The following LRP2 variants were observed in gnomAD, a reference collection of about 807,000 sequenced individuals.
The protein encoded by LRP2 is LDL receptor related protein 2.
LRP2 carries 172 observed loss-of-function variants against 531.0 expected under a neutral mutation model. That is an observed-to-expected ratio of 0.32 (90% CI 0.29 to 0.37). The LOEUF (loss-of-function observed/expected upper bound fraction) is 0.37, where lower values mean the gene tolerates loss of function less well. LRP2 is among the 10% of genes least tolerant of loss of function. The pLI is 1.00. For synonymous variants in LRP2, 1,992 were observed against 2,027.6 expected (o/e 0.98, Z 0.47); for missense variants, 5,167 against 5,868.3 (o/e 0.88, Z 3.90).
Position 169,206,157 on chromosome 2 carries a change from G to A in LRP2, c.7422C>T (p.Asp2474=), listed in dbSNP as rs1688377163. 6.2e-7 allele frequency: 1 copy of A among 1,614,168 alleles called. No homozygotes were observed. The highest frequency in any genetic ancestry group is 1.1e-5 in the South Asian group (1 of 91,082). ...TGTAATAAATTCTTCTAGTAATCCA[G>A]TCAAAGGCAATGCCATCAGCAGTCC... is the stretch of plus-strand genomic sequence containing the variant. ...GIGTADGIAF[D]WITRRIYYSD... The change falls in exon 40 of 79, where the codon GAC becomes GAT. Residue 2474 remains aspartate (D), a synonymous_variant. Transcript: ENST00000649046.
At chr2:169,270,201 T>C (rs934112670) in intron 16 of LRP2, among the ~76,000 whole-genome samples, 4 of 152,174 alleles carry the variant, frequency 2.6e-5, no homozygotes, top group African/African-American at 7.2e-5. Flanking sequence ...AGTGTGGAGA[T>C]TCCTCAGGGA....
chr2:169,158,737 C>T (rs1574081262), intron 63 of LRP2, among the ~76,000 whole-genome samples: 1 of 150,580 alleles, frequency 6.6e-6, no homozygotes. Context: ...CTTACATATA[C>T]ATATGCAAAA....
chr2:169,342,040 T>C (rs945548974), intron 1 of LRP2, among the ~76,000 whole-genome samples: 1 of 152,084 alleles, frequency 6.6e-6, no homozygotes, highest in African/African-American at 2.4e-5. Context: ...CTGGCAGGGA[T>C]ACTCAGGCAT....
chr2:169,231,504 C>T (rs1352710447), intron 31 of LRP2, among the ~76,000 whole-genome samples: 3 of 152,092 alleles, frequency 2.0e-5, no homozygotes, highest in Non-Finnish European at 4.4e-5. Context: ...CAATTACATG[C>T]ACAGATAACA....
At chr2:169,241,995 G>A (rs1305584660) in intron 24 of LRP2, among the ~76,000 whole-genome samples, 3 of 152,134 alleles carry the variant, frequency 2.0e-5, no homozygotes, top group African/African-American at 4.8e-5. Flanking sequence ...GCAAGCCAGC[G>A]GCAATTGACA....
intron 1 of LRP2, among the ~76,000 whole-genome samples, chr2:169,360,142 AAAAAAAG>A (rs55666324): frequency 0.4 from 52,395 of 130,912 alleles, 10,940 homozygotes; most frequent in South Asian, 0.53. Flanking sequence ...AAAAAAAAAA[AAAAAAAG>A]AGAGAGAGAG....
chr2:169,269,240 T>A (rs1232434501), intron 16 of LRP2, among the ~76,000 whole-genome samples: 2 of 152,074 alleles, frequency 1.3e-5, no homozygotes, highest in East Asian at 1.9e-4. Flanking sequence ...CTTCACAGAA[T>A]TGGAAAAAAC....
At chr2:169,210,458 G>T (rs183210807) in intron 37 of LRP2, among the ~76,000 whole-genome samples, 1 of 152,184 alleles carries the variant, frequency 6.6e-6, no homozygotes, top group South Asian at 2.1e-4. Context: ...AACCTATAAA[G>T]TATTATTGCT....
Position 169,292,152 on chromosome 2 carries a change from TG to T in LRP2, c.769+100del, listed in dbSNP as rs1684014232. 2.3e-5 allele frequency: 22 copies of T among 939,242 alleles called. No individual in the cohort carries two copies. The South Asian group carries it at 2.9e-4, about 12-fold the overall frequency. The allele number at this position is 939,242 out of a possible 1,614,324, so 58.2% of individuals were successfully genotyped here. A position where few individuals can be genotyped will look rare whatever the true frequency, so the allele number is the denominator to read the frequency against. On this transcript the variant is annotated intron_variant, in intron 7 of 78. Coordinates refer to ENST00000649046, the MANE Select transcript of LRP2 (RefSeq NM_004525.3). ...TTCAACTCCAGCCAATCCTGAGGCT[TG>T]CTTGTCACACAAAATTTCTAAAAAG... is the stretch of plus-strand genomic sequence containing the variant.
chr2:169,228,064 A>C (rs889378654), intron 31 of LRP2, among the ~76,000 whole-genome samples: 1 of 152,318 alleles, frequency 6.6e-6, no homozygotes, highest in East Asian at 1.9e-4. Flanking sequence ...GCCATACTGC[A>C]TGCATCAGGT....
chr2:169,200,251 A>T (rs576679857), intron 44 of LRP2, among the ~76,000 whole-genome samples: 1 of 152,090 alleles, frequency 6.6e-6, no homozygotes, highest in Non-Finnish European at 1.5e-5. Context: ...ACTCCATCTC[A>T]AAAAAATAAA....
At position 169,321,494 on chromosome 2, in the gene LRP2, T is replaced by C. The variant is rs1684908040; in HGVS notation, c.80-610A>G. On this transcript the variant is annotated intron_variant, in intron 1 of 78. Coordinates refer to ENST00000649046, the MANE Select transcript of LRP2 (RefSeq NM_004525.3). Reference sequence around the variant, plus strand: ...AAAAAAAGCGTAAAAAAGACCAGAATGTTAACAGTGGTTATCTCTGATTGA... The same window carrying C: ...AAAAAAAGCGTAAAAAAGACCAGAACGTTAACAGTGGTTATCTCTGATTGA... Among the ~76,000 whole-genome samples, 3 of 151,022 alleles carry C rather than the reference T, an allele frequency of 2.0e-5. No individual in the cohort carries two copies. In the South Asian group the frequency reaches 6.2e-4, roughly 31 times the overall value.
intron 1 of LRP2, among the ~76,000 whole-genome samples, chr2:169,343,141 A>G (rs1191112661): frequency 6.6e-6 from 1 of 152,142 alleles, no homozygotes; most frequent in Non-Finnish European, 1.5e-5. Flanking sequence ...TCTGCATAAA[A>G]CCAAGTTACA....
In LRP2 at chr2:169,280,364, T is replaced by C. The variant is rs781098111; in HGVS notation, c.1327A>G (p.Thr443Ala). The C allele has an allele frequency of 6.2e-7, 1 of 1,614,158 alleles. No individual in the cohort carries two copies. The highest frequency in any genetic ancestry group is 1.6e-4 in the Middle Eastern group (1 of 6,062). The change falls in exon 11 of 79, where the codon ACC becomes GCC. Residue 443 changes from threonine to alanine, a missense_variant. Physicochemically the swap from Thr to Ala is moderately conservative, Grantham distance 58 (BLOSUM62 0). This residue lies in a region of LRP2 where 2,811 missense variants were observed against 3,058.0 expected (regional missense o/e 0.92). Transcript: ENST00000649046. ...TTTCTATTTACCTTATTTTGCACGG[T>C]GTCTGTCCAAAAAACTCTTTGCAGG... ...YHLQRVFWTDTVQNKVFSVDI... is the reference protein window; with the variant it reads ...YHLQRVFWTDAVQNKVFSVDI...
At chr2:169,241,452 T>C in intron 24 of LRP2, 87 bp from the exon 25 acceptor site, 2 of 1,458,328 alleles carry the variant, frequency 1.4e-6, no homozygotes, top group South Asian at 1.1e-5. Flanking sequence ...TGATTTTGGA[T>C]CCAATAGTAG....
At chr2:169,136,288 C>T (rs970955312) in intron 76 of LRP2, among the ~76,000 whole-genome samples, 5 of 152,086 alleles carry the variant, frequency 3.3e-5, no homozygotes, top group African/African-American at 1.2e-4. Flanking sequence ...CTGAGAAACA[C>T]TGCGCATTAT....
At chr2:169,305,177 A>G (rs1684383143) in intron 4 of LRP2, among the ~76,000 whole-genome samples, 2 of 152,360 alleles carry the variant, frequency 1.3e-5, no homozygotes, top group South Asian at 4.1e-4. Flanking sequence ...AATAGCACAG[A>G]CATTTCTCCC....
Position 169,273,028 on chromosome 2 carries a change from T to G in LRP2, c.2015A>C (p.Gln672Pro). 1.2e-6 allele frequency: 2 copies of G among 1,613,728 alleles called. No homozygotes were observed. Among genetic ancestry groups the G allele is most frequent in the Non-Finnish European group, 1.7e-6 (2 of 1,179,752 alleles). ...TGTTCTGTGGCTGAGGACACAGACC[T>G]GCTCACAGCCCCCATTGTTATCTTT... ...PCKDNNGGCE[Q>P]VCVLSHRTDN... Residue 672 changes from glutamine (Q) to proline (P), a missense_variant, in exon 15 of 79, where the codon CAG (glutamine) becomes CCG (proline). Around this residue, in one of 6 missense-constraint regions of LRP2, gnomAD observed 2,811 missense variants for 3,058.0 expected, o/e 0.92. Transcript: ENST00000649046.
chr2:169,169,825 A>G lies in LRP2; in HGVS notation c.11381-7T>C, dbSNP rs1170395484. 1 of 1,584,880 alleles carries G rather than the reference A, an allele frequency of 6.3e-7. No homozygotes were observed. Among genetic ancestry groups the G allele is most frequent in the Non-Finnish European group, 8.7e-7 (1 of 1,153,326 alleles). ...GGATGGCAGGTCCTCATCTCTGAAG[A>G]GAAAAGATTGTCATTCCGAGAAGGC... On this transcript the variant is annotated splice_polypyrimidine_tract_variant and splice_region_variant and intron_variant, in intron 59 of 78. Transcript: ENST00000649046.
Sources: gnomAD v4.1 joint callset for allele counts (sites outside exome capture counted in the v4.1 genomes callset) on GRCh38, gnomAD v4.1.1 for gene constraint, gnomAD v4.1.1 regional missense constraint, MANE v1.5 for transcripts, NCBI Gene and HGNC (gene_info 2026-07-23, HGNC 2026-07-21) for gene names.